Variants in NELL1 observed in about 807,000 individuals in gnomAD.
NELL1 encodes neural EGFL like 1, also known as protein kinase C-binding protein NELL1.
NELL1 carries 76 observed loss-of-function variants against 107.4 expected under a neutral mutation model. The ratio of observed to expected loss-of-function variants is 0.71; its 90% CI spans 0.59 to 0.86. NELL1 has a LOEUF of 0.86. Ranked by LOEUF, NELL1 falls within the 40% of genes least tolerant of loss-of-function variation. The pLI is 0.00. For synonymous variants in NELL1, 353 were observed against 341.2 expected, an observed-to-expected ratio of 1.03 and a Z score of -0.38; for missense variants, 1,024 against 1,005.5, an observed-to-expected ratio of 1.02 and a Z score of -0.25.
chr11:20,901,118 C>T (rs902313715), intron 5 of NELL1, among the ~76,000 whole-genome samples: 1 of 151,956 alleles, frequency 6.6e-6, no homozygotes, highest in Non-Finnish European at 1.5e-5. Flanking sequence ...GAGGTTCTTA[C>T]CAGCAAAATA....
intron 1 of NELL1, among the ~76,000 whole-genome samples, chr11:20,672,189 A>G (rs1853930855): frequency 1.3e-5 from 2 of 152,226 alleles, no homozygotes; most frequent in Non-Finnish European, 2.9e-5. Context: ...CAGCCCTCTG[A>G]TTCTGTGCAG....
At chr11:21,534,247 C>A (rs1591014070) in intron 15 of NELL1, 127 bp from the exon 16 acceptor site, 1 of 1,038,208 alleles carries the variant, frequency 9.6e-7, no homozygotes, top group Non-Finnish European at 1.4e-6. Context: ...CTTCCAGTGA[C>A]TTTCATTGTA....
intron 17 of NELL1, among the ~76,000 whole-genome samples, chr11:21,568,082 C>A (rs1337807409): frequency 3.3e-5 from 5 of 151,736 alleles, no homozygotes; most frequent in Non-Finnish European, 5.9e-5. Context: ...GTATCAACAT[C>A]ATAGAGTATA....
intron 14 of NELL1, among the ~76,000 whole-genome samples, chr11:21,262,848 C>T (rs1032238272): frequency 6.6e-6 from 1 of 151,842 alleles, no homozygotes; most frequent in Non-Finnish European, 1.5e-5. Context: ...TGTACTCTTA[C>T]TCCTTTTTCC....
chr11:21,308,143 A>G (rs1395591417), intron 14 of NELL1, among the ~76,000 whole-genome samples: 2 of 152,070 alleles, frequency 1.3e-5, no homozygotes, highest in Non-Finnish European at 2.9e-5. Context: ...GTCTTTATCA[A>G]TAAGGATAGT....
intron 14 of NELL1, among the ~76,000 whole-genome samples, chr11:21,326,094 G>GTTTTTTTT (rs1358552757): frequency 1.4e-5 from 1 of 73,864 alleles, no homozygotes; most frequent in African/African-American, 5.9e-5. Flanking sequence ...GCTATTTTGA[G>GTTTTTTTT]TAAAGCTTAA....
At chr11:21,122,448 A>C (rs1031313876) in intron 13 of NELL1, among the ~76,000 whole-genome samples, 1 of 152,208 alleles carries the variant, frequency 6.6e-6, no homozygotes, top group Non-Finnish European at 1.5e-5. Context: ...TATCGTAAAG[A>C]CATGGTACAT....
intron 14 of NELL1, among the ~76,000 whole-genome samples, chr11:21,346,961 A>T (rs1338240516): frequency 6.6e-6 from 1 of 152,168 alleles, no homozygotes; most frequent in Non-Finnish European, 1.5e-5. Flanking sequence ...CTAGTTTAGG[A>T]GATTATATGC....
intron 5 of NELL1, among the ~76,000 whole-genome samples, chr11:20,908,093 T>C (rs1454297947): frequency 1.3e-5 from 2 of 152,158 alleles, no homozygotes; most frequent in Non-Finnish European, 2.9e-5. Flanking sequence ...AACATTTTTA[T>C]GCTATTGGTG....
chr11:21,084,781 A>G (rs908961029), intron 12 of NELL1, among the ~76,000 whole-genome samples: 5 of 152,110 alleles, frequency 3.3e-5, no homozygotes, highest in South Asian at 2.1e-4. Context: ...TCACAATACT[A>G]TAGTTGGGAG....
chr11:21,309,091 G>A (rs1290601399), intron 14 of NELL1, among the ~76,000 whole-genome samples: 1 of 151,176 alleles, frequency 6.6e-6, no homozygotes, highest in Non-Finnish European at 1.5e-5. Context: ...ATTTTGTATA[G>A]TAAGGGTATT....
intron 3 of NELL1, among the ~76,000 whole-genome samples, chr11:20,840,640 A>C (rs1848604426): frequency 6.6e-6 from 1 of 152,210 alleles, no homozygotes; most frequent in East Asian, 1.9e-4. Context: ...TTACAAGGTG[A>C]CTTAGGGATT....
chr11:20,746,060 G>T (rs552810374), intron 2 of NELL1, among the ~76,000 whole-genome samples: 44 of 150,216 alleles, frequency 2.9e-4, no homozygotes, highest in African/African-American at 1.1e-3. Context: ...TATTTAAAAG[G>T]GGGGAAACTG....
intron 12 of NELL1, among the ~76,000 whole-genome samples, chr11:21,099,613 A>AT (rs796193498): frequency 3.3e-5 from 5 of 152,298 alleles, no homozygotes; most frequent in African/African-American, 1.2e-4. Flanking sequence ...GTATTGAGGC[A>AT]TAAGACGTGG....
At chr11:20,987,574 C>G (rs1382515442) in intron 12 of NELL1, among the ~76,000 whole-genome samples, 1 of 152,118 alleles carries the variant, frequency 6.6e-6, no homozygotes, top group Non-Finnish European at 1.5e-5. Context: ...ATAAAACCAT[C>G]ATATTTTGTG....
At chr11:21,054,863 A>G (rs2134352941) in intron 12 of NELL1, among the ~76,000 whole-genome samples, 1 of 152,104 alleles carries the variant, frequency 6.6e-6, no homozygotes, top group South Asian at 2.1e-4. Flanking sequence ...ATTTTCTTTA[A>G]TGGTGTTCAT....
At chr11:21,049,271 G>C (rs763712476) in intron 12 of NELL1, among the ~76,000 whole-genome samples, 1 of 152,178 alleles carries the variant, frequency 6.6e-6, no homozygotes, top group Non-Finnish European at 1.5e-5. Context: ...CACACTTCCA[G>C]AATCGGAAGG....
chr11:21,517,734 G>A (rs1855604040), intron 15 of NELL1, among the ~76,000 whole-genome samples: 1 of 152,010 alleles, frequency 6.6e-6, no homozygotes, highest in Non-Finnish European at 1.5e-5. Flanking sequence ...AATGGTCATG[G>A]GCAATGACAT....
intron 13 of NELL1, among the ~76,000 whole-genome samples, chr11:21,156,728 C>A (rs1403865950): frequency 6.6e-6 from 1 of 152,064 alleles, no homozygotes; most frequent in Non-Finnish European, 1.5e-5. Context: ...GCAGGTCATT[C>A]ATAGGGACAT....
Sources: allele counts gnomAD v4.1 joint callset (sites outside exome capture counted in the v4.1 genomes callset), GRCh38; gene constraint gnomAD v4.1.1; transcripts MANE v1.5; gene names NCBI Gene and HGNC (gene_info 2026-07-23, HGNC 2026-07-21).